Variants in LRP1B observed in about 807,000 individuals in gnomAD.
LRP1B encodes the protein low-density lipoprotein receptor-related protein 1B.
A neutral mutation model predicts 556.6 loss-of-function variants in LRP1B; 217 were observed. The ratio of observed to expected loss-of-function variants is 0.39; its 90% confidence interval spans 0.35 to 0.44. The LOEUF (loss-of-function observed/expected upper bound fraction) is 0.44, where lower values mean the gene tolerates loss of function less well. LRP1B is among the 20% of genes least tolerant of loss of function. LRP1B has a pLI of 1.00. For synonymous variants in LRP1B, 2,047 were observed against 1,865.8 expected, an observed-to-expected ratio of 1.10 and a Z score of -2.50; for missense variants, 5,053 against 5,620.8, an observed-to-expected ratio of 0.90 and a Z score of 3.23.
intron 14 of LRP1B, among the ~76,000 whole-genome samples, chr2:141,007,131 A>G (rs36111569): frequency 0.032 from 4,828 of 152,018 alleles, 113 homozygotes; most frequent in Admixed American, 0.057. Context: ...GAGCCATACG[A>G]TAAGAGAATA....
chr2:140,949,831 T>A (rs1695656582), intron 20 of LRP1B, among the ~76,000 whole-genome samples: 1 of 149,826 alleles, frequency 6.7e-6, no homozygotes, highest in Non-Finnish European at 1.5e-5. Flanking sequence ...TCCCAGCTAC[T>A]TGGAGGATGA....
At chr2:141,571,566 T>A (rs920431938) in intron 2 of LRP1B, among the ~76,000 whole-genome samples, 2 of 152,106 alleles carry the variant, frequency 1.3e-5, no homozygotes, top group African/African-American at 4.8e-5. Flanking sequence ...GGTCCAGAAC[T>A]GGATGGAGGA....
chr2:140,635,310 T>C (rs1234468320), intron 41 of LRP1B, among the ~76,000 whole-genome samples: 2 of 152,030 alleles, frequency 1.3e-5, no homozygotes, highest in African/African-American at 4.8e-5. Flanking sequence ...ACAAGATGCA[T>C]GTTTTTATTA....
In LRP1B at chr2:140,875,719, CTTAT is replaced by C. The variant is rs575500206; in HGVS notation, c.4170-7460_4170-7457del. On this transcript the variant is annotated intron_variant, in intron 25 of 90. Transcript: ENST00000389484. ...AAAGTCCAAAAATGACATAATTTGG[CTTAT>C]TTGTTATAAAAATTATACAGGAAGC... is the stretch of plus-strand genomic sequence containing the variant. Among the ~76,000 whole-genome samples, 666 of 152,088 alleles carry C rather than the reference CTTAT, an allele frequency of 4.4e-3. 7 individuals carry two copies. Among genetic ancestry groups the C allele is most frequent in the African/African-American group, 0.015 (630 of 41,490 alleles).
At chr2:141,409,587 TGG>T (rs2104940493) in intron 3 of LRP1B, among the ~76,000 whole-genome samples, 1 of 152,196 alleles carries the variant, frequency 6.6e-6, no homozygotes, top group Admixed American at 6.5e-5. Flanking sequence ...GTCTACTATG[TGG>T]AAAATATGTA....
At chr2:141,128,909 T>C (rs367977657) in intron 7 of LRP1B, among the ~76,000 whole-genome samples, 4 of 152,206 alleles carry the variant, frequency 2.6e-5, no homozygotes, top group Admixed American at 2.6e-4. Context: ...ATCATCCTAC[T>C]AATTCTAATT....
At chr2:140,730,612 T>C (rs1687744844) in intron 35 of LRP1B, among the ~76,000 whole-genome samples, 1 of 152,132 alleles carries the variant, frequency 6.6e-6, no homozygotes, top group Middle Eastern at 3.2e-3. Context: ...CAGGCTGGAG[T>C]TCAGTGGCGA....
intron 2 of LRP1B, among the ~76,000 whole-genome samples, chr2:141,618,220 C>A (rs1044893830): frequency 6.6e-6 from 1 of 151,904 alleles, no homozygotes; most frequent in Non-Finnish European, 1.5e-5. Flanking sequence ...TATGGTCATC[C>A]TTTTACAAAT....
At chr2:141,381,593 A>G (rs984385723) in intron 3 of LRP1B, among the ~76,000 whole-genome samples, 2 of 152,060 alleles carry the variant, frequency 1.3e-5, no homozygotes, top group African/African-American at 4.8e-5. Flanking sequence ...ATACTGAGAC[A>G]CATCAAATTG....
chr2:141,600,670 G>A (rs568486309), intron 2 of LRP1B, among the ~76,000 whole-genome samples: 17 of 152,246 alleles, frequency 1.1e-4, no homozygotes, highest in African/African-American at 4.1e-4. Context: ...TAATAGCAGG[G>A]TCTCTGCCCA....
intron 2 of LRP1B, among the ~76,000 whole-genome samples, chr2:141,528,826 A>G (rs182083163): frequency 1.4e-3 from 213 of 152,276 alleles, no homozygotes; most frequent in Non-Finnish European, 2.5e-3. Context: ...TCAATTGTTT[A>G]TAGGGTAAGA....
intron 7 of LRP1B, among the ~76,000 whole-genome samples, chr2:141,181,847 T>C (rs764916736): frequency 6.7e-6 from 1 of 149,720 alleles, no homozygotes; most frequent in Non-Finnish European, 1.5e-5. Context: ...TGGAAAGAAG[T>C]TGAACCTTAA....
chr2:141,045,274 G>C, intron 11 of LRP1B, among the ~76,000 whole-genome samples: 1 of 105,470 alleles, frequency 9.5e-6, no homozygotes, highest in Admixed American at 1.2e-4. Context: ...CTGTTGTGGG[G>C]TGGGGGGAGG....
intron 27 of LRP1B, among the ~76,000 whole-genome samples, chr2:140,864,959 T>A (rs1337103839): frequency 6.6e-6 from 1 of 152,034 alleles, no homozygotes; most frequent in Non-Finnish European, 1.5e-5. Flanking sequence ...ATCACGCAAT[T>A]AATAAATCAT....
chr2:141,285,827 G>C (rs1183609223), intron 3 of LRP1B, among the ~76,000 whole-genome samples: 2 of 148,388 alleles, frequency 1.3e-5, no homozygotes, highest in African/African-American at 4.9e-5. Context: ...AGCACTTTGG[G>C]AGGCCGAGGC....
intron 2 of LRP1B, among the ~76,000 whole-genome samples, chr2:141,577,494 T>A (rs187465791): frequency 2.2e-4 from 33 of 152,284 alleles, no homozygotes; most frequent in African/African-American, 7.9e-4. Flanking sequence ...ATTAGAACAG[T>A]CTGGAAGTGG....
At chr2:141,352,621 A>T (rs1471576130) in intron 3 of LRP1B, among the ~76,000 whole-genome samples, 1 of 151,886 alleles carries the variant, frequency 6.6e-6, no homozygotes, top group Non-Finnish European at 1.5e-5. Context: ...TTTTAAACAG[A>T]TGCTTACCCA....
intron 7 of LRP1B, among the ~76,000 whole-genome samples, chr2:141,127,670 T>G (rs986665702): frequency 6.6e-6 from 1 of 152,206 alleles, no homozygotes; most frequent in African/African-American, 2.4e-5. Context: ...TTAAGTTTCA[T>G]GTCCAATCAT....
rs1006301449 is a variant in LRP1B, at chr2:142,016,183, T to C, written c.82+114465A>G. On this transcript the variant is annotated intron_variant, in intron 1 of 90. Transcript: ENST00000389484. Reference sequence around the variant, plus strand: ...GATCATTAAATAGTCAGGAAACAGATGCTGGAGAGGATGTGGAGAAATAGG... The same window carrying C: ...GATCATTAAATAGTCAGGAAACAGACGCTGGAGAGGATGTGGAGAAATAGG... Among the ~76,000 whole-genome samples, 43 of 151,946 alleles carry C rather than the reference T, an allele frequency of 2.8e-4. 1 individual carries two copies. The highest frequency in any genetic ancestry group is 2.1e-3 in the Admixed American group (32 of 15,258).
Sources: allele counts gnomAD v4.1 joint callset (sites outside exome capture counted in the v4.1 genomes callset), GRCh38; gene constraint gnomAD v4.1.1; transcripts MANE v1.5; gene names NCBI Gene and HGNC (gene_info 2026-07-23, HGNC 2026-07-21).